Variants in RBFOX1 observed in about 807,000 individuals in gnomAD.
RBFOX1 encodes the protein RNA binding fox-1 homolog 1, also known as RNA binding protein fox-1 homolog 1.
A neutral mutation model predicts 57.7 loss-of-function variants in RBFOX1; 8 were observed. The observed-to-expected ratio is 0.14, with a 90% CI of 0.08 to 0.25. The LOEUF is 0.25. RBFOX1 is among the 10% of genes least tolerant of loss of function. The pLI, the probability that RBFOX1 is intolerant of heterozygous loss-of-function variation, is 1.00. For synonymous variants in RBFOX1, 326 were observed against 222.4 expected (o/e 1.47, Z -4.15); for missense variants, 611 against 548.5 (o/e 1.11, Z -1.14).
At chr16:7,661,165 C>G (rs550103196) in intron 12 of RBFOX1, among the ~76,000 whole-genome samples, 2 of 152,128 alleles carry the variant, frequency 1.3e-5, no homozygotes, top group Non-Finnish European at 2.9e-5. Flanking sequence ...TTTCACACTG[C>G]CGGTGAGGAT....
At chr16:6,832,790 G>A (rs1188373063) in intron 3 of RBFOX1, among the ~76,000 whole-genome samples, 1 of 152,182 alleles carries the variant, frequency 6.6e-6, no homozygotes, top group African/African-American at 2.4e-5. Flanking sequence ...GTGCTCCTAG[G>A]TGAGCAGCCC....
intron 1 of RBFOX1, among the ~76,000 whole-genome samples, chr16:6,068,228 C>A (rs1451521888): frequency 6.6e-6 from 1 of 152,144 alleles, no homozygotes; most frequent in Non-Finnish European, 1.5e-5. Context: ...GTGCAAGCTC[C>A]CTGGCAGCTT....
At chr16:5,387,636 G>C (rs2066292319) in intron 1 of RBFOX1, among the ~76,000 whole-genome samples, 1 of 152,236 alleles carries the variant, frequency 6.6e-6, no homozygotes, top group Admixed American at 6.5e-5. Flanking sequence ...AAGGGAGTTT[G>C]AGATTCTCTG....
chr16:6,009,698 C>T (rs2094948703), intron 4 of RBFOX1, among the ~76,000 whole-genome samples: 1 of 152,064 alleles, frequency 6.6e-6, no homozygotes. Context: ...ATCCCTCCTC[C>T]CCCCACCTCC....
chr16:6,583,931 T>A, intron 2 of RBFOX1, among the ~76,000 whole-genome samples: 1 of 151,942 alleles, frequency 6.6e-6, no homozygotes, highest in East Asian at 1.9e-4. Flanking sequence ...GACGATTGTA[T>A]CTTCATCACT....
intron 3 of RBFOX1, among the ~76,000 whole-genome samples, chr16:5,753,290 TACATAGAAC>T (rs2053277135): frequency 6.6e-6 from 1 of 152,206 alleles, no homozygotes; most frequent in Non-Finnish European, 1.5e-5. Flanking sequence ...TTAGTGCCAT[TACATAGAAC>T]ACTTAAAAAA....
chr16:7,184,325 G>A (rs1431131112), intron 4 of RBFOX1, among the ~76,000 whole-genome samples: 2 of 152,216 alleles, frequency 1.3e-5, no homozygotes, highest in Admixed American at 6.5e-5. Flanking sequence ...CCAAATGACA[G>A]TGTACTCTGT....
At chr16:6,690,680 T>C (rs966458629) in intron 3 of RBFOX1, among the ~76,000 whole-genome samples, 3 of 151,934 alleles carry the variant, frequency 2.0e-5, no homozygotes, top group African/African-American at 7.3e-5. Flanking sequence ...TATAGTACAG[T>C]AGGAAGTGGG....
At chr16:5,963,688 G>A (rs567574390) in intron 4 of RBFOX1, among the ~76,000 whole-genome samples, 14 of 152,256 alleles carry the variant, frequency 9.2e-5, no homozygotes, top group African/African-American at 3.4e-4. Flanking sequence ...ATGTTAATGG[G>A]ACAACTGGAT....
chr16:6,887,953 C>T (rs981745396), intron 3 of RBFOX1, among the ~76,000 whole-genome samples: 11 of 152,080 alleles, frequency 7.2e-5, no homozygotes, highest in African/African-American at 2.4e-4. Context: ...TGAGCCACCA[C>T]GCCTGTCCCA....
intron 2 of RBFOX1, among the ~76,000 whole-genome samples, chr16:6,388,845 C>A (rs540428420): frequency 6.6e-6 from 1 of 152,318 alleles, no homozygotes; most frequent in South Asian, 2.1e-4. Flanking sequence ...CATACAAATA[C>A]ACCATCTCAG....
chr16:6,386,723 A>G (rs7191635), intron 2 of RBFOX1, among the ~76,000 whole-genome samples: 3,028 of 152,322 alleles, frequency 0.02, 120 homozygotes, highest in African/African-American at 0.068. Flanking sequence ...TTCACTGAGT[A>G]AATGTTTACG....
chr16:5,678,777 G>T (rs2050243800), intron 3 of RBFOX1, among the ~76,000 whole-genome samples: 1 of 151,998 alleles, frequency 6.6e-6, no homozygotes, highest in Non-Finnish European at 1.5e-5. Context: ...TGTGTGTAGA[G>T]TGGTGGCTGC....
intron 2 of RBFOX1, among the ~76,000 whole-genome samples, chr16:6,524,097 C>T (rs994957104): frequency 6.6e-6 from 1 of 152,118 alleles, no homozygotes; most frequent in Non-Finnish European, 1.5e-5. Context: ...AGGTCTTATT[C>T]ATTCTATTTC....
At chr16:5,595,728 T>G (rs928773717) in intron 2 of RBFOX1, among the ~76,000 whole-genome samples, 11 of 152,118 alleles carry the variant, frequency 7.2e-5, no homozygotes, top group Non-Finnish European at 1.3e-4. Flanking sequence ...TTTCCCCAAC[T>G]CAGTCAGACT....
At chr16:6,797,884 G>A (rs1603625986) in intron 3 of RBFOX1, among the ~76,000 whole-genome samples, 1 of 152,134 alleles carries the variant, frequency 6.6e-6, no homozygotes, top group Admixed American at 6.5e-5. Context: ...CTGGTAGCTA[G>A]CTGACTTTTG....
intron 2 of RBFOX1, among the ~76,000 whole-genome samples, chr16:6,630,413 A>G (rs1337279355): frequency 1.3e-5 from 2 of 152,192 alleles, no homozygotes; most frequent in Non-Finnish European, 2.9e-5. Flanking sequence ...AGTGAAGTTG[A>G]TGATGGTAAG....
intron 3 of RBFOX1, among the ~76,000 whole-genome samples, chr16:6,795,269 C>G (rs1409307729): frequency 6.6e-6 from 1 of 152,044 alleles, no homozygotes; most frequent in East Asian, 1.9e-4. Flanking sequence ...AGTCAAGTCA[C>G]CTTGATAGAA....
chr16:6,300,410 A>T (rs554973524), intron 1 of RBFOX1, among the ~76,000 whole-genome samples: 2 of 152,224 alleles, frequency 1.3e-5, no homozygotes. Flanking sequence ...ATTTCAAAAC[A>T]TCATGTTGTA....
Sources: gnomAD v4.1 joint callset for allele counts (sites outside exome capture counted in the v4.1 genomes callset) on GRCh38, gnomAD v4.1.1 for gene constraint, MANE v1.5 for transcripts, NCBI Gene and HGNC (gene_info 2026-07-23, HGNC 2026-07-21) for gene names.